ATRNL1: variants seen among roughly 807,000 people sequenced by gnomAD.
ATRNL1 encodes the protein attractin-like protein 1.
A neutral mutation model predicts 182.7 loss-of-function variants in ATRNL1; 95 were observed. The ratio of observed to expected loss-of-function variants is 0.52; its 90% CI spans 0.44 to 0.62. The LOEUF is 0.62. Among genes scored for constraint, ATRNL1 ranks in the 20% least tolerant of loss-of-function variants. The pLI is 0.00. For synonymous variants in ATRNL1, 576 were observed against 568.3 expected (o/e 1.01, Z -0.19); for missense variants, 1,471 against 1,679.5 (o/e 0.88, Z 2.17).
In ATRNL1 at chr10:115,292,405, A is replaced by AT. The variant is rs148536022; in HGVS notation, c.2415+6018dup. Among the ~76,000 whole-genome samples the AT allele has an allele frequency of 6.4e-4, 93 of 144,712 alleles. 1 individual carries two copies. In the South Asian group the frequency reaches 0.01, roughly 16 times the overall value. 94.9% of individuals were successfully genotyped at this position (144,712 alleles called of 152,430 possible). ...ATTTTTTTCCTTCTTCTAATTTTGGATTTTTTTTTTCTTACTTTGCTAATT... is the reference window on the plus strand; with the variant it reads ...ATTTTTTTCCTTCTTCTAATTTTGGATTTTTTTTTTTCTTACTTTGCTAATT... On this transcript the variant is annotated intron_variant, in intron 15 of 28. Transcript: ENST00000355044.
chr10:115,149,242 T>C (rs1846108196), intron 5 of ATRNL1, among the ~76,000 whole-genome samples: 1 of 152,182 alleles, frequency 6.6e-6, no homozygotes, highest in Non-Finnish European at 1.5e-5. Flanking sequence ...AATCTCCATG[T>C]TGAATATACC....
At chr10:115,298,002 T>A (rs1359305002) in intron 15 of ATRNL1, among the ~76,000 whole-genome samples, 1 of 152,170 alleles carries the variant, frequency 6.6e-6, no homozygotes, top group Non-Finnish European at 1.5e-5. Flanking sequence ...AAGTTCCATT[T>A]GCTAAGGAAT....
At position 115,945,557 on chromosome 10, in the gene ATRNL1, T is replaced by G. The variant is rs1953858738; in HGVS notation, c.*778T>G. On this transcript the variant is annotated 3_prime_UTR_variant, in exon 29 of 29. Coordinates refer to ENST00000355044, the MANE Select transcript of ATRNL1 (RefSeq NM_207303.4). ...AAAAACAGCCTCCAATACCACAACC[T>G]GAAAAGAGCCGAAATGGTTATTTTA... 1 of 152,128 alleles carries G rather than the reference T, an allele frequency of 6.6e-6. No homozygotes were observed. Among genetic ancestry groups the G allele is most frequent in the South Asian group, 2.1e-4 (1 of 4,826 alleles). The allele number at this position is 152,128 out of a possible 1,614,324, so 9.4% of individuals were successfully genotyped here.
chr10:115,543,899 C>T (rs1554992834), intron 25 of ATRNL1, among the ~76,000 whole-genome samples: 1 of 151,872 alleles, frequency 6.6e-6, no homozygotes, highest in Non-Finnish European at 1.5e-5. Flanking sequence ...TGTTTTCTTT[C>T]TTTCTTTCTT....
intron 21 of ATRNL1, among the ~76,000 whole-genome samples, chr10:115,451,392 A>T (rs1246614076): frequency 4.6e-5 from 7 of 152,152 alleles, no homozygotes; most frequent in African/African-American, 1.7e-4. Flanking sequence ...TATCCAGCAT[A>T]TATATGGAAC....
intron 17 of ATRNL1, among the ~76,000 whole-genome samples, chr10:115,309,400 C>G (rs528676712): frequency 6.6e-6 from 1 of 152,040 alleles, no homozygotes; most frequent in Non-Finnish European, 1.5e-5. Flanking sequence ...TTCTTCTAAC[C>G]CCTGAGTGTG....
At chr10:115,880,738 C>G (rs1320748276) in intron 28 of ATRNL1, among the ~76,000 whole-genome samples, 8 of 152,166 alleles carry the variant, frequency 5.3e-5, no homozygotes, top group African/African-American at 1.9e-4. Flanking sequence ...TTTACCTAAT[C>G]AGTATTGGAT....
chr10:115,794,603 G>T (rs538970508), intron 27 of ATRNL1, among the ~76,000 whole-genome samples: 84 of 152,180 alleles, frequency 5.5e-4, no homozygotes, highest in Non-Finnish European at 5.4e-4. Flanking sequence ...GATTTGTTCA[G>T]TGTTTCCTCA....
At chr10:115,908,779 A>G (rs1465839435) in intron 28 of ATRNL1, among the ~76,000 whole-genome samples, 4 of 152,158 alleles carry the variant, frequency 2.6e-5, no homozygotes, top group Non-Finnish European at 5.9e-5. Context: ...TGCTCCTGCT[A>G]CTGGTTCCCT....
chr10:115,896,869 A>C (rs1024501320), intron 28 of ATRNL1, among the ~76,000 whole-genome samples: 14 of 152,184 alleles, frequency 9.2e-5, no homozygotes, highest in Admixed American at 6.6e-5. Context: ...ATACATAAAT[A>C]CATAAGATCG....
chr10:115,864,953 G>T (rs1428340706), intron 28 of ATRNL1, among the ~76,000 whole-genome samples: 1 of 150,806 alleles, frequency 6.6e-6, no homozygotes, highest in Non-Finnish European at 1.5e-5. Flanking sequence ...TTGCACTCCA[G>T]CCTGGGCGAC....
intron 20 of ATRNL1, among the ~76,000 whole-genome samples, chr10:115,418,586 A>G: frequency 6.6e-6 from 1 of 152,208 alleles, no homozygotes; most frequent in South Asian, 2.1e-4. Flanking sequence ...TGAATGCCCA[A>G]TTATAGCAAA....
chr10:115,281,069 G>T (rs929271394), intron 13 of ATRNL1, among the ~76,000 whole-genome samples: 1 of 152,150 alleles, frequency 6.6e-6, no homozygotes, highest in Non-Finnish European at 1.5e-5. Context: ...GCTGTGATTG[G>T]CTGGGACTCA....
chr10:115,462,076 C>A, intron 22 of ATRNL1, 41 bp downstream of exon 22: 2 of 1,437,462 alleles, frequency 1.4e-6, no homozygotes, highest in Non-Finnish European at 9.5e-7. Flanking sequence ...AATTATTGGA[C>A]ACAATTTTTT....
intron 26 of ATRNL1, among the ~76,000 whole-genome samples, chr10:115,718,782 C>G (rs1947331043): frequency 6.6e-6 from 1 of 152,162 alleles, no homozygotes; most frequent in Non-Finnish European, 1.5e-5. Flanking sequence ...TAACGAATAG[C>G]TTTGTTGCTT....
At chr10:115,177,511 C>T (rs1489413860) in intron 8 of ATRNL1, among the ~76,000 whole-genome samples, 2 of 152,032 alleles carry the variant, frequency 1.3e-5, no homozygotes, top group Non-Finnish European at 2.9e-5. Context: ...GATACAAGGA[C>T]GAGAAGGCAG....
chr10:115,715,335 T>G (rs1308012929), intron 26 of ATRNL1, among the ~76,000 whole-genome samples: 6 of 152,182 alleles, frequency 3.9e-5, no homozygotes, highest in South Asian at 4.1e-4. Context: ...GCTAGGGAAC[T>G]TCTTGGGTAT....
At chr10:115,379,429 A>G (rs1857863119) in intron 19 of ATRNL1, among the ~76,000 whole-genome samples, 1 of 152,238 alleles carries the variant, frequency 6.6e-6, no homozygotes, top group Admixed American at 6.5e-5. Context: ...CGTCTTAGAA[A>G]TTATTGAATT....
chr10:115,268,295 G>A (rs782553395), intron 12 of ATRNL1, 31 bp from the exon 13 acceptor site: 2 of 1,233,616 alleles, frequency 1.6e-6, no homozygotes, highest in East Asian at 4.7e-5. Flanking sequence ...TCTTTTCCGT[G>A]CTGATATATC....
Sources: gnomAD v4.1 joint callset for allele counts (sites outside exome capture counted in the v4.1 genomes callset) on GRCh38, gnomAD v4.1.1 for gene constraint, MANE v1.5 for transcripts, NCBI Gene and HGNC (gene_info 2026-07-23, HGNC 2026-07-21) for gene names.